Variants in GABBR2 observed in about 807,000 individuals in gnomAD.
GABBR2 encodes G-protein coupled receptor 51.
Under a neutral mutation model 105.6 loss-of-function variants are expected in GABBR2, and 23 were observed. The ratio of observed to expected loss-of-function variants is 0.22; its 90% confidence interval spans 0.16 to 0.31. GABBR2 has a LOEUF of 0.31. Among genes scored for constraint, GABBR2 ranks in the 10% least tolerant of loss-of-function variants. The pLI, the probability that GABBR2 is intolerant of heterozygous loss-of-function variation, is 1.00. For synonymous variants in GABBR2, 478 were observed against 499.7 expected (o/e 0.96, Z 0.58); for missense variants, 734 against 1,245.5 (o/e 0.59, Z 6.18).
intron 12 of GABBR2, among the ~76,000 whole-genome samples, chr9:98,364,601 A>T (rs965025274): frequency 9.3e-4 from 126 of 135,188 alleles, no homozygotes; most frequent in Non-Finnish European, 1.3e-3. Context: ...GAGGAAGTGG[A>T]TTTTTTTTTT....
At chr9:98,522,988 T>C (rs1369895291) in intron 3 of GABBR2, among the ~76,000 whole-genome samples, 1 of 152,204 alleles carries the variant, frequency 6.6e-6, no homozygotes, top group East Asian at 1.9e-4. Flanking sequence ...CATTTCTAGG[T>C]TGGCACTTAG....
intron 3 of GABBR2, among the ~76,000 whole-genome samples, chr9:98,497,495 T>C (rs1268627132): frequency 2.0e-5 from 3 of 152,136 alleles, no homozygotes; most frequent in Non-Finnish European, 2.9e-5. Context: ...TGGCCATGGC[T>C]GTGCACCCTC....
intron 1 of GABBR2, among the ~76,000 whole-genome samples, chr9:98,670,602 T>C (rs1830395469): frequency 6.6e-6 from 1 of 152,108 alleles, no homozygotes; most frequent in Non-Finnish European, 1.5e-5. Flanking sequence ...AACAGATGAG[T>C]GAATAGCAAA....
intron 3 of GABBR2, among the ~76,000 whole-genome samples, chr9:98,500,731 C>T (rs897088310): frequency 8.5e-5 from 13 of 152,334 alleles, no homozygotes; most frequent in East Asian, 1.9e-4. Context: ...TCCCCACCCC[C>T]GCTACAAGAA....
intron 1 of GABBR2, among the ~76,000 whole-genome samples, chr9:98,587,947 T>A (rs191777780): frequency 6.6e-6 from 1 of 152,350 alleles, no homozygotes; most frequent in Non-Finnish European, 1.5e-5. Context: ...TAAAATTATT[T>A]CTTTATAATA....
At chr9:98,704,078 A>G (rs1388705435) in intron 1 of GABBR2, among the ~76,000 whole-genome samples, 2 of 152,056 alleles carry the variant, frequency 1.3e-5, no homozygotes, top group Admixed American at 1.3e-4. Context: ...TTCTCTGTTC[A>G]CCAGCTGCCT....
chr9:98,680,548 A>G (rs1830531949), intron 1 of GABBR2, among the ~76,000 whole-genome samples: 1 of 152,104 alleles, frequency 6.6e-6, no homozygotes, highest in East Asian at 1.9e-4. Flanking sequence ...TGACCTCATG[A>G]TCCGCCCACC....
At chr9:98,671,309 T>A (rs1830404054) in intron 1 of GABBR2, among the ~76,000 whole-genome samples, 1 of 152,324 alleles carries the variant, frequency 6.6e-6, no homozygotes, top group African/African-American at 2.4e-5. Flanking sequence ...CCCATCCATG[T>A]CGTAGCATGC....
chr9:98,629,327 A>G (rs1829786615), intron 1 of GABBR2, among the ~76,000 whole-genome samples: 2 of 152,260 alleles, frequency 1.3e-5, no homozygotes, highest in Admixed American at 6.5e-5. Context: ...TGATCATATG[A>G]TAAGCCAAAA....
chr9:98,380,897 C>T (rs1267189022), intron 11 of GABBR2, among the ~76,000 whole-genome samples: 1 of 152,190 alleles, frequency 6.6e-6, no homozygotes, highest in Admixed American at 6.5e-5. Context: ...TGGTTTCTCA[C>T]TGTGTTAAGC....
At chr9:98,341,244 GCC>G (rs1490633320) in intron 13 of GABBR2, among the ~76,000 whole-genome samples, 1 of 152,214 alleles carries the variant, frequency 6.6e-6, no homozygotes, top group Non-Finnish European at 1.5e-5. Context: ...CATACACTGG[GCC>G]CAGACACATC....
chr9:98,481,082 T>G lies in GABBR2; in HGVS notation c.733-85A>C, dbSNP rs2808557. On this transcript the variant is annotated intron_variant, in intron 4 of 18. Transcript: ENST00000259455. ...CAAGGCTGTGGCAGACAACATTCCT[T>G]CACCTCTGGCTCTTAGCCCAGAGCT... The G allele has an allele frequency of 0.8, 695,698 of 864,568 alleles. 282,626 individuals carry two copies. Among genetic ancestry groups the G allele is most frequent in the East Asian group, 0.91 (37,424 of 41,212 alleles). 53.6% of individuals were successfully genotyped at this position (864,568 alleles called of 1,614,324 possible).
At chr9:98,420,772 G>A (rs191543383) in intron 7 of GABBR2, among the ~76,000 whole-genome samples, 22 of 152,324 alleles carry the variant, frequency 1.4e-4, no homozygotes, top group African/African-American at 4.8e-5. Context: ...TGGGGATGGT[G>A]AGAGTGTACC....
At chr9:98,442,750 G>C (rs1336307562) in intron 7 of GABBR2, among the ~76,000 whole-genome samples, 1 of 152,188 alleles carries the variant, frequency 6.6e-6, no homozygotes, top group African/African-American at 2.4e-5. Context: ...CCTTCTGAGG[G>C]CTGTGAAGGA....
chr9:98,568,664 C>G (rs1372660875), intron 2 of GABBR2, among the ~76,000 whole-genome samples: 1 of 152,176 alleles, frequency 6.6e-6, no homozygotes, highest in Non-Finnish European at 1.5e-5. Context: ...TCCCTCTGGC[C>G]TTTGCAGTGG....
chr9:98,328,699 CTA>C (rs1220695399), intron 13 of GABBR2, among the ~76,000 whole-genome samples: 1 of 152,144 alleles, frequency 6.6e-6, no homozygotes, highest in Non-Finnish European at 1.5e-5. Context: ...CCAAAATACT[CTA>C]TGAGTAATAA....
chr9:98,492,256 T>A (rs1588192720), intron 4 of GABBR2, among the ~76,000 whole-genome samples: 2 of 147,444 alleles, frequency 1.4e-5, no homozygotes, highest in Admixed American at 1.4e-4. Flanking sequence ...TATAAAATTG[T>A]TGTAGTTCAA....
intron 13 of GABBR2, among the ~76,000 whole-genome samples, chr9:98,343,424 T>C (rs1342020116): frequency 2.0e-5 from 3 of 152,092 alleles, no homozygotes; most frequent in Non-Finnish European, 2.9e-5. Context: ...CATTTTGGAA[T>C]GGTCAGGTGG....
At chr9:98,350,003 C>T (rs1373173154) in intron 13 of GABBR2, among the ~76,000 whole-genome samples, 1 of 150,166 alleles carries the variant, frequency 6.7e-6, no homozygotes, top group Non-Finnish European at 1.5e-5. Flanking sequence ...AGAAATTTAC[C>T]CATTTCCTTT....
Sources: gnomAD v4.1 joint callset for allele counts (sites outside exome capture counted in the v4.1 genomes callset) on GRCh38, gnomAD v4.1.1 for gene constraint, MANE v1.5 for transcripts, NCBI Gene and HGNC (gene_info 2026-07-23, HGNC 2026-07-21) for gene names.